Variants in CHRM3 observed in about 807,000 individuals in gnomAD.
CHRM3 encodes cholinergic receptor muscarinic 3.
In CHRM3, 11 loss-of-function variants were observed where a neutral mutation model predicts 41.8. The observed-to-expected ratio is 0.26, with a 90% CI of 0.17 to 0.44. The LOEUF is 0.44. Ranked by LOEUF, CHRM3 falls within the 20% of genes least tolerant of loss-of-function variation. The pLI, the probability that CHRM3 is intolerant of heterozygous loss-of-function variation, is 1.00. For missense variants in CHRM3, 571 were observed against 745.4 expected (o/e 0.77, Z 2.72); for synonymous variants, 297 against 301.4 (o/e 0.99, Z 0.15).
chr1:239,664,050 G>A (rs1352116757), intron 4 of CHRM3, among the ~76,000 whole-genome samples: 1 of 152,094 alleles, frequency 6.6e-6, no homozygotes, highest in Non-Finnish European at 1.5e-5. Flanking sequence ...TATCCTCTGG[G>A]TCTTCCTTCT....
intron 5 of CHRM3, among the ~76,000 whole-genome samples, chr1:239,801,635 C>T (rs919594726): frequency 1.3e-5 from 2 of 152,138 alleles, no homozygotes; most frequent in African/African-American, 4.8e-5. Flanking sequence ...TCCTGCCAAG[C>T]AGCCATCAGA....
At chr1:239,652,821 G>C (rs897126372) in intron 4 of CHRM3, among the ~76,000 whole-genome samples, 3 of 150,008 alleles carry the variant, frequency 2.0e-5, no homozygotes, top group African/African-American at 7.4e-5. Flanking sequence ...ATCTCATAAA[G>C]TCGTGAAAAC....
At chr1:239,504,007 C>G (rs889905269) in intron 2 of CHRM3, among the ~76,000 whole-genome samples, 3 of 152,042 alleles carry the variant, frequency 2.0e-5, no homozygotes, top group African/African-American at 7.2e-5. Flanking sequence ...TTGGCTTAGG[C>G]AAGGATTTTA....
intron 6 of CHRM3, among the ~76,000 whole-genome samples, chr1:239,835,588 C>G (rs1673246336): frequency 6.6e-6 from 1 of 152,074 alleles, no homozygotes; most frequent in African/African-American, 2.4e-5. Flanking sequence ...ACCGTCAAAG[C>G]CTTTAGAGTT....
chr1:239,416,857 G>A (rs1661541604), intron 1 of CHRM3, among the ~76,000 whole-genome samples: 2 of 152,148 alleles, frequency 1.3e-5, no homozygotes, highest in South Asian at 2.1e-4. Context: ...AAACTACCAA[G>A]GTAACAGGTA....
chr1:239,689,075 A>G (rs951020907), intron 5 of CHRM3, among the ~76,000 whole-genome samples: 18 of 151,672 alleles, frequency 1.2e-4, no homozygotes, highest in African/African-American at 3.9e-4. Flanking sequence ...CAAAGATTCA[A>G]AAATTAAAGA....
chr1:239,708,527 A>C (rs1661411787), intron 5 of CHRM3, among the ~76,000 whole-genome samples: 1 of 152,086 alleles, frequency 6.6e-6, no homozygotes, highest in Non-Finnish European at 1.5e-5. Context: ...GTAAAAGAAC[A>C]TCTCAGCACC....
chr1:239,527,628 G>T (rs556070610), intron 2 of CHRM3, among the ~76,000 whole-genome samples: 18 of 141,604 alleles, frequency 1.3e-4, no homozygotes, highest in Admixed American at 2.8e-4. Context: ...GAAGCTCTGA[G>T]CCCCCACATC....
At chr1:239,587,280 A>G (rs903181801) in intron 3 of CHRM3, among the ~76,000 whole-genome samples, 3 of 152,156 alleles carry the variant, frequency 2.0e-5, no homozygotes, top group Non-Finnish European at 4.4e-5. Context: ...CTCACTTCCC[A>G]TTGAAGGGAC....
At chr1:239,481,530 A>G (rs1666853915) in intron 1 of CHRM3, among the ~76,000 whole-genome samples, 2 of 152,188 alleles carry the variant, frequency 1.3e-5, no homozygotes, top group African/African-American at 2.4e-5. Flanking sequence ...GTCATATTTT[A>G]TGTTTTTCTT....
intron 1 of CHRM3, among the ~76,000 whole-genome samples, chr1:239,439,807 G>A (rs1663562950): frequency 6.6e-6 from 1 of 152,094 alleles, no homozygotes; most frequent in African/African-American, 2.4e-5. Flanking sequence ...GGAGCAATAG[G>A]TTATCATCAT....
Position 239,909,142 on chromosome 1 carries a change from A to T in CHRM3, c.1691A>T (p.Asp564Val). 6.2e-7 allele frequency: 1 copy of T among 1,614,098 alleles called. No homozygotes were observed. The highest frequency in any genetic ancestry group is 8.5e-7 in the Non-Finnish European group (1 of 1,180,024). The change falls in exon 7 of 7, where the codon GAC becomes GTC. Residue 564 changes from aspartate (D) to valine (V), a missense_variant. Physicochemically the swap from Asp to Val is radical, Grantham distance 152. This residue lies in a region of CHRM3 where 44 missense variants were observed against 39.7 expected (regional missense o/e 1.11). Transcript: ENST00000676153. ...TFKMLLLCQC[D>V]KKKRRKQQYQ... ...AAGATGCTGCTGCTGTGCCAGTGTG[A>T]CAAAAAAAAGAGGCGCAAGCAGCAG... is the stretch of plus-strand genomic sequence containing the variant.
intron 5 of CHRM3, among the ~76,000 whole-genome samples, chr1:239,722,201 T>A (rs1663037114): frequency 6.6e-6 from 1 of 151,866 alleles, no homozygotes. Flanking sequence ...TGTAGTCACC[T>A]GGAAAATGCT....
At chr1:239,876,490 T>TCTGTGTCTTCAG (rs1224926356) in intron 6 of CHRM3, among the ~76,000 whole-genome samples, 21 of 152,178 alleles carry the variant, frequency 1.4e-4, no homozygotes, top group Non-Finnish European at 8.8e-5. Flanking sequence ...TCCTAGCAGT[T>TCTGTGTCTTCAG]CTGTGTCTTC....
At chr1:239,765,399 C>T (rs937705597) in intron 5 of CHRM3, among the ~76,000 whole-genome samples, 3 of 152,042 alleles carry the variant, frequency 2.0e-5, no homozygotes, top group East Asian at 1.9e-4. Flanking sequence ...GGGTCAGGCC[C>T]GGTTAATGCT....
At chr1:239,657,707 C>G (rs938229340) in intron 4 of CHRM3, among the ~76,000 whole-genome samples, 1 of 152,126 alleles carries the variant, frequency 6.6e-6, no homozygotes, top group Non-Finnish European at 1.5e-5. Flanking sequence ...CATTTTGATC[C>G]TGTGATTTGA....
intron 1 of CHRM3, among the ~76,000 whole-genome samples, chr1:239,481,873 A>C (rs959249219): frequency 2.6e-5 from 4 of 152,170 alleles, no homozygotes; most frequent in African/African-American, 9.7e-5. Context: ...GAACTGGTAA[A>C]GTAAGTGGTG....
chr1:239,750,982 C>T (rs1665771388), intron 5 of CHRM3, among the ~76,000 whole-genome samples: 1 of 152,084 alleles, frequency 6.6e-6, no homozygotes, highest in Admixed American at 6.6e-5. Flanking sequence ...AATCCCAGCA[C>T]TTTGGGAGGC....
chr1:239,558,862 G>A (rs185587189), intron 3 of CHRM3, among the ~76,000 whole-genome samples: 9 of 152,208 alleles, frequency 5.9e-5, no homozygotes, highest in Admixed American at 5.9e-4. Flanking sequence ...TCTACTTTAT[G>A]TTTATTCTCC....
Sources: gnomAD v4.1 joint callset for allele counts (sites outside exome capture counted in the v4.1 genomes callset) on GRCh38, gnomAD v4.1.1 for gene constraint, gnomAD v4.1.1 regional missense constraint, MANE v1.5 for transcripts, NCBI Gene and HGNC (gene_info 2026-07-23, HGNC 2026-07-21) for gene names.